PI4KA: variants seen among roughly 807,000 people sequenced by gnomAD.
The protein encoded by PI4KA is PI4-kinase alpha.
A neutral mutation model predicts 271.4 loss-of-function variants in PI4KA; 122 were observed. The observed-to-expected ratio is 0.45, with a 90% CI of 0.39 to 0.52. The LOEUF is 0.52. Ranked by LOEUF, PI4KA falls within the 20% of genes least tolerant of loss-of-function variation. The pLI, the probability that PI4KA is intolerant of heterozygous loss-of-function variation, is 0.00. For missense variants in PI4KA, 1,969 were observed against 2,769.1 expected, an observed-to-expected ratio of 0.71 and a Z score of 6.48; for synonymous variants, 1,041 against 1,078.8, an observed-to-expected ratio of 0.96 and a Z score of 0.69.
At position 20,733,798 on chromosome 22, in the gene PI4KA, T is replaced by G; in HGVS notation, c.4098A>C (p.Pro1366=). The stretch of plus-strand genomic sequence containing the variant: ...GAAGCACATTGCGGATGGTTGCATT[T>G]GGAACCACATCGGCATGCAGGAGGG... The part of the protein sequence containing the change: ...GLSLLHADVV[P]NATIRNVLRE... The change falls in exon 35 of 55, where the codon CCA becomes CCC. Residue 1366 remains proline, a synonymous_variant. Transcript: ENST00000255882. The G allele has an allele frequency of 1.1e-5, 18 of 1,612,752 alleles. No homozygotes were observed. The highest frequency in any genetic ancestry group is 1.5e-5 in the Non-Finnish European group (18 of 1,179,844).
chr22:20,792,700 G>A lies in PI4KA; in HGVS notation c.2328+493C>T, dbSNP rs142774966. Reference sequence around the variant, plus strand: ...AGGATGGAAACAGGCTCTCCAACACGATGGTGCCACACAGGAGGCAGGGAC... The same window carrying A: ...AGGATGGAAACAGGCTCTCCAACACAATGGTGCCACACAGGAGGCAGGGAC... On this transcript the variant is annotated intron_variant, in intron 19 of 54. Coordinates refer to ENST00000255882, the MANE Select transcript of PI4KA (RefSeq NM_058004.4). 5.7e-3 allele frequency among the ~76,000 whole-genome samples: 862 copies of A among 152,300 alleles called. 6 individuals are homozygous for A. The highest frequency in any genetic ancestry group is 0.019 in the African/African-American group (801 of 41,562).
Position 20,818,639 on chromosome 22 carries a change from A to G in PI4KA, c.790-90T>C, listed in dbSNP as rs923071745. ...AGACAAGGTCCTCTCTGCCAGCCCA[A>G]TGTTTGTACTTCAAGTTCTGGTTGA... On this transcript the variant is annotated intron_variant, in intron 6 of 54. Coordinates refer to ENST00000255882, the MANE Select transcript of PI4KA (RefSeq NM_058004.4). 6 of 937,644 alleles carry G rather than the reference A, an allele frequency of 6.4e-6. No individual in the cohort carries two copies. The African/African-American group carries it at 6.9e-5, about 11-fold the overall frequency. The allele number at this position is 937,644 out of a possible 1,614,324, so 58.1% of individuals were successfully genotyped here. A position where few individuals can be genotyped will look rare whatever the true frequency, so the allele number is the denominator to read the frequency against.
intron 1 of PI4KA, among the ~76,000 whole-genome samples, chr22:20,839,592 T>C (rs1393907386): frequency 6.6e-6 from 1 of 152,132 alleles, no homozygotes; most frequent in Non-Finnish European, 1.5e-5. Flanking sequence ...AGCACTTTGG[T>C]AGGCCGAGGC....
In PI4KA at chr22:20,834,619, G is replaced by A. The variant is rs575366622; in HGVS notation, c.310C>T (p.Leu104Phe). The change falls in exon 3 of 55, where the codon CTC becomes TTC. Residue 104 changes from leucine (L) to phenylalanine (F), a missense_variant. Transcript: ENST00000255882. ...CAATACACTTTTGGAAGACCTTTGAGAAGTCGAAGAAGGTAAGGAACCACA... is the reference window on the plus strand; with the variant it reads ...CAATACACTTTTGGAAGACCTTTGAAAAGTCGAAGAAGGTAAGGAACCACA... ...DCVVPYLLRL[L>F]KGLPKVYWVE... 44 of 1,609,996 alleles carry A rather than the reference G, an allele frequency of 2.7e-5. No homozygotes were observed. In the Middle Eastern group the frequency reaches 5.0e-4, roughly 18 times the overall value.
intron 19 of PI4KA, among the ~76,000 whole-genome samples, chr22:20,768,494 T>C (rs1026732403): frequency 6.6e-6 from 1 of 152,226 alleles, no homozygotes; most frequent in African/African-American, 2.4e-5. Flanking sequence ...TATATACATA[T>C]AGAACAAAGA....
chr22:20,751,255 A>C, intron 27 of PI4KA, 38 bp downstream of exon 27: 1 of 1,510,924 alleles, frequency 6.6e-7, no homozygotes, highest in Non-Finnish European at 9.2e-7. Context: ...AATTGTGGTA[A>C]AGATGGCCCT....
intron 3 of PI4KA, among the ~76,000 whole-genome samples, chr22:20,825,772 T>C (rs1923328877): frequency 6.6e-6 from 1 of 152,192 alleles, no homozygotes; most frequent in Non-Finnish European, 1.5e-5. Flanking sequence ...ATACGCAGTT[T>C]TGTTATACAG....
chr22:20,709,820 A>G (rs1925011926), intron 53 of PI4KA, 88 bp downstream of exon 53: 3 of 813,220 alleles, frequency 3.7e-6, no homozygotes, highest in South Asian at 1.4e-5. Flanking sequence ...CACAGTGACA[A>G]TTACATGAAA....
intron 19 of PI4KA, among the ~76,000 whole-genome samples, chr22:20,776,003 C>T (rs1333953252): frequency 5.3e-5 from 8 of 152,142 alleles, no homozygotes; most frequent in Non-Finnish European, 5.9e-5. Flanking sequence ...GGGCCCAGTT[C>T]TATTTGCAGC....
In PI4KA at chr22:20,761,361, G is replaced by A. The variant is rs202070171; in HGVS notation, c.2734C>T (p.Arg912Cys). ...MRVLRSTDPD[R>C]FQVMFCYFED... is the part of the protein sequence containing the mutation. ...AAGTAGCAGAACATTACCTGGAAGCGATCAGGATCTGTTGAACGCAGTACC... is the reference window on the plus strand; with the variant it reads ...AAGTAGCAGAACATTACCTGGAAGCAATCAGGATCTGTTGAACGCAGTACC... Residue 912 changes from arginine to cysteine, a missense_variant, in exon 23 of 55, where the codon CGC (arginine) becomes TGC (cysteine). Coordinates refer to ENST00000255882, the MANE Select transcript of PI4KA (RefSeq NM_058004.4). The A allele has an allele frequency of 2.7e-5, 44 of 1,612,082 alleles. 1 individual carries two copies. In the East Asian group the frequency reaches 3.6e-4, roughly 13 times the overall value.
intron 23 of PI4KA, among the ~76,000 whole-genome samples, chr22:20,758,087 C>T (rs771864240): frequency 1.1e-4 from 16 of 151,970 alleles, no homozygotes; most frequent in Non-Finnish European, 1.6e-4. Context: ...GATTCTGGGC[C>T]GGGCGCAGTG....
At chr22:20,793,324 G>C in intron 18 of PI4KA, 81 bp from the exon 19 acceptor site, 1 of 797,982 alleles carries the variant, frequency 1.3e-6, no homozygotes, top group Non-Finnish European at 2.1e-6. Context: ...ACAACATAGT[G>C]TTATGTAAAC....
chr22:20,786,914 A>T, intron 19 of PI4KA: 5 of 1,614,154 alleles, frequency 3.1e-6, no homozygotes, highest in Non-Finnish European at 4.2e-6. Context: ...CGAGGAAGGC[A>T]CCCAAGCCAC....
At chr22:20,783,355 G>A (rs1933941976) in intron 19 of PI4KA, among the ~76,000 whole-genome samples, 1 of 151,748 alleles carries the variant, frequency 6.6e-6, no homozygotes. Context: ...CCAGTGCTTT[G>A]GAAGGCTGAG....
intron 7 of PI4KA, among the ~76,000 whole-genome samples, chr22:20,817,717 G>C (rs1921995141): frequency 2.1e-5 from 2 of 94,358 alleles, no homozygotes; most frequent in South Asian, 8.1e-4. Context: ...CTGGGTGGCA[G>C]AGTGAGACTC....
intron 53 of PI4KA, 35 bp downstream of exon 53, chr22:20,709,873 C>G (rs781759599): frequency 8.8e-7 from 1 of 1,132,116 alleles, no homozygotes; most frequent in Middle Eastern, 1.9e-4. Context: ...GACAACTGTC[C>G]CCCAGATGGC....
intron 4 of PI4KA, among the ~76,000 whole-genome samples, chr22:20,822,116 C>T (rs1277572167): frequency 6.6e-6 from 1 of 152,178 alleles, no homozygotes; most frequent in African/African-American, 2.4e-5. Flanking sequence ...TCAATGATAG[C>T]TCACTGTAGC....
chr22:20,826,579 G>T (rs1377037420), intron 3 of PI4KA, among the ~76,000 whole-genome samples: 1 of 152,206 alleles, frequency 6.6e-6, no homozygotes, highest in African/African-American at 2.4e-5. Context: ...TAATGGGATT[G>T]CTGGGTCAAA....
chr22:20,810,245 G>A (rs1420649035), intron 9 of PI4KA, among the ~76,000 whole-genome samples: 6 of 152,064 alleles, frequency 3.9e-5, no homozygotes, highest in Admixed American at 3.3e-4. Context: ...GGTGGCTCAC[G>A]CCTGTAATCC....
Sources: allele counts gnomAD v4.1 joint callset (sites outside exome capture counted in the v4.1 genomes callset), GRCh38; gene constraint gnomAD v4.1.1; transcripts MANE v1.5; gene names NCBI Gene and HGNC (gene_info 2026-07-23, HGNC 2026-07-21).